TMEM106B: variants seen among roughly 807,000 people sequenced by gnomAD.
TMEM106B encodes the protein transmembrane protein 106B.
In TMEM106B, 15 loss-of-function variants were observed where a neutral mutation model predicts 31.1. The observed-to-expected ratio is 0.48, with a 90% CI of 0.32 to 0.74. TMEM106B has a LOEUF of 0.74. Among genes scored for constraint, TMEM106B ranks in the 30% least tolerant of loss-of-function variants. The pLI, the probability that TMEM106B is intolerant of heterozygous loss-of-function variation, is 0.03. For synonymous variants in TMEM106B, 126 were observed against 112.5 expected (o/e 1.12, Z -0.76); for missense variants, 283 against 327.3 (o/e 0.86, Z 1.04).
chr7:12,219,322 A>G (rs992033542), intron 3 of TMEM106B, among the ~76,000 whole-genome samples: 5 of 152,198 alleles, frequency 3.3e-5, no homozygotes, highest in African/African-American at 4.8e-5. Context: ...AATACTTTGT[A>G]TATCAACAGA....
chr7:12,224,140 T>C, intron 3 of TMEM106B, 86 bp from the exon 4 acceptor site: 1 of 1,227,526 alleles, frequency 8.1e-7, no homozygotes, highest in South Asian at 1.4e-5. Context: ...TGCTGATATA[T>C]GGGGGAAATT....
In TMEM106B at chr7:12,240,098, A is replaced by G. The variant is rs1403938891; in HGVS notation, c.*8123A>G. 2 of 152,154 alleles carry G rather than the reference A, an allele frequency of 1.3e-5. No individual in the cohort carries two copies. Among genetic ancestry groups the G allele is most frequent in the African/African-American group, 4.8e-5 (2 of 41,454 alleles). The allele number at this position is 152,154 out of a possible 1,614,324, so 9.4% of individuals were successfully genotyped here. A position where few individuals can be genotyped will look rare whatever the true frequency, so the allele number is the denominator to read the frequency against. On this transcript the variant is annotated 3_prime_UTR_variant, in exon 8 of 8. Transcript: ENST00000396668. ...CTTACTCTGGTGTTGAGAACCTTTC[A>G]TTAGCTGGCTACAATCTCAGTTCAC...
intron 4 of TMEM106B, among the ~76,000 whole-genome samples, chr7:12,226,457 G>C (rs563576681): frequency 4.7e-4 from 72 of 152,260 alleles, no homozygotes; most frequent in African/African-American, 1.7e-3. Context: ...AAAAGAGCAC[G>C]GTTTGCTAAC....
rs1000509923 is a variant in TMEM106B, at chr7:12,238,805, T to C, written c.*6830T>C. The C allele has an allele frequency of 1.3e-5, 2 of 152,144 alleles. No homozygotes were observed. The highest frequency in any genetic ancestry group is 2.4e-5 in the African/African-American group (1 of 41,440). The allele number at this position is 152,144 out of a possible 1,614,324, so 9.4% of individuals were successfully genotyped here. On this transcript the variant is annotated 3_prime_UTR_variant, in exon 8 of 8. Coordinates refer to ENST00000396668, the MANE Select transcript of TMEM106B (RefSeq NM_001134232.2). ...TCAACAATGGGCTTAAAATATTCAG[T>C]GAACCGTGTTGTAAACAGATGTCAT...
intron 2 of TMEM106B, among the ~76,000 whole-genome samples, chr7:12,216,119 A>G (rs1781682537): frequency 6.6e-6 from 1 of 152,138 alleles, no homozygotes; most frequent in African/African-American, 2.4e-5. Flanking sequence ...GCCTTTGAGT[A>G]TGATGGTTTT....
rs555285985 is a variant in TMEM106B at position 12,224,825 on chromosome 7, G to T, written c.441+440G>T. Reference sequence around the variant, plus strand: ...TATCAGCTTTAAAGATGAAATACAGGTGACTGGTTTCTCTTTTGTAAATTA... The same window carrying T: ...TATCAGCTTTAAAGATGAAATACAGTTGACTGGTTTCTCTTTTGTAAATTA... On this transcript the variant is annotated intron_variant, in intron 4 of 7. Coordinates refer to ENST00000396668, the MANE Select transcript of TMEM106B (RefSeq NM_001134232.2). Among the ~76,000 whole-genome samples the T allele has an allele frequency of 8.6e-5, 13 of 150,916 alleles. No homozygotes were observed. In the South Asian group the frequency reaches 2.5e-3, roughly 29 times the overall value.
rs1180324426 is a variant in TMEM106B at position 12,237,073 on chromosome 7, G to A, written c.*5098G>A. ...CACACTTACTACATTTATGAATTGA[G>A]CAGTTCTGTAATTGTAATTATTATT... On this transcript the variant is annotated 3_prime_UTR_variant, in exon 8 of 8. Transcript: ENST00000396668. 2 of 151,630 alleles carry A rather than the reference G, an allele frequency of 1.3e-5. No individual in the cohort carries two copies. The highest frequency in any genetic ancestry group is 6.6e-5 in the Admixed American group (1 of 15,170). 9.4% of individuals were successfully genotyped at this position (151,630 alleles called of 1,614,324 possible).
At chr7:12,222,620 T>C (rs1329784872) in intron 3 of TMEM106B, among the ~76,000 whole-genome samples, 1 of 152,232 alleles carries the variant, frequency 6.6e-6, no homozygotes, top group Non-Finnish European at 1.5e-5. Flanking sequence ...TGGTGTGTTA[T>C]AGATACTATA....
chr7:12,226,112 C>G (rs112430481), intron 4 of TMEM106B, among the ~76,000 whole-genome samples: 18,441 of 147,914 alleles, frequency 0.12, 1,231 homozygotes, highest in African/African-American at 0.14. Flanking sequence ...TTTCCCAGGA[C>G]CATTTATTAA....
chr7:12,228,451 T>C (rs1460969661), intron 4 of TMEM106B, among the ~76,000 whole-genome samples: 1 of 109,074 alleles, frequency 9.2e-6, no homozygotes, highest in African/African-American at 4.5e-5. Flanking sequence ...TTCCTAATTA[T>C]CTGACTTAAT....
intron 2 of TMEM106B, among the ~76,000 whole-genome samples, chr7:12,217,243 TA>T (rs1293178200): frequency 2.0e-5 from 3 of 152,076 alleles, no homozygotes; most frequent in African/African-American, 4.8e-5. Flanking sequence ...TTCTTGGTAA[TA>T]AAAGAGAAGG....
At chr7:12,230,230 A>G (rs1027979598) in intron 5 of TMEM106B, 159 bp from the exon 6 acceptor site, 1 of 682,538 alleles carries the variant, frequency 1.5e-6, no homozygotes, top group Admixed American at 2.6e-5. Context: ...AAGAAAAAAA[A>G]GAAAAAGAAA....
At chr7:12,213,721 CAGACATTA>C (rs1367314988) in intron 1 of TMEM106B, among the ~76,000 whole-genome samples, 1 of 152,120 alleles carries the variant, frequency 6.6e-6, no homozygotes, top group Non-Finnish European at 1.5e-5. Context: ...TCCTTTGTTT[CAGACATTA>C]TTTTGATTGG....
At chr7:12,223,897 T>A (rs748244893) in intron 3 of TMEM106B, among the ~76,000 whole-genome samples, 1 of 151,958 alleles carries the variant, frequency 6.6e-6, no homozygotes, top group Non-Finnish European at 1.5e-5. Context: ...ATTTTTGTGT[T>A]TTTAGTAGAG....
Position 12,234,220 on chromosome 7 carries a change from T to C in TMEM106B, c.*2245T>C, listed in dbSNP as rs899324860. 1 of 151,954 alleles carries C rather than the reference T, an allele frequency of 6.6e-6. No homozygotes were observed. Among genetic ancestry groups the C allele is most frequent in the East Asian group, 1.9e-4 (1 of 5,188 alleles). 9.4% of individuals were successfully genotyped at this position (151,954 alleles called of 1,614,324 possible). ...GATGATCTGTGCTTCTTATATACTA[T>C]TAGAGTGCATGATAGTATCTCCTGA... On this transcript the variant is annotated 3_prime_UTR_variant, in exon 8 of 8. Coordinates refer to ENST00000396668, the MANE Select transcript of TMEM106B (RefSeq NM_001134232.2).
intron 4 of TMEM106B, among the ~76,000 whole-genome samples, chr7:12,227,460 A>T (rs1412704998): frequency 6.6e-6 from 1 of 152,050 alleles, no homozygotes; most frequent in African/African-American, 2.4e-5. Context: ...CTCATGTGTA[A>T]AGGATACACA....
intron 2 of TMEM106B, among the ~76,000 whole-genome samples, chr7:12,217,525 C>A (rs866052639): frequency 6.6e-6 from 1 of 152,088 alleles, no homozygotes; most frequent in African/African-American, 2.4e-5. Context: ...GTGTGTTTTT[C>A]TGTGTCCATG....
intron 3 of TMEM106B, among the ~76,000 whole-genome samples, chr7:12,219,263 G>A (rs1781743272): frequency 6.6e-6 from 1 of 152,158 alleles, no homozygotes; most frequent in African/African-American, 2.4e-5. Context: ...ATATTAGGGA[G>A]ATCATCTCAA....
At chr7:12,220,099 C>CA (rs1182284518) in intron 3 of TMEM106B, among the ~76,000 whole-genome samples, 2 of 152,088 alleles carry the variant, frequency 1.3e-5, no homozygotes, top group African/African-American at 4.8e-5. Context: ...TACAGTGCCT[C>CA]AAACGGATAA....
Sources: allele counts gnomAD v4.1 joint callset (sites outside exome capture counted in the v4.1 genomes callset), GRCh38; gene constraint gnomAD v4.1.1; transcripts MANE v1.5; gene names NCBI Gene and HGNC (gene_info 2026-07-23, HGNC 2026-07-21).